ADGRV1: variants seen among roughly 807,000 people sequenced by gnomAD.
ADGRV1 encodes the protein G-protein coupled receptor 98.
A neutral mutation model predicts 596.2 loss-of-function variants in ADGRV1; 359 were observed. The observed-to-expected ratio is 0.60, with a 90% CI of 0.55 to 0.66. The LOEUF is 0.66. Ranked by LOEUF, ADGRV1 falls within the 30% of genes least tolerant of loss-of-function variation. The pLI is 0.00. For missense variants in ADGRV1, 7,274 were observed against 7,575.6 expected (o/e 0.96, Z 1.48); for synonymous variants, 2,681 against 2,679.2 (o/e 1.00, Z -0.02).
At chr5:90,744,379 CTAAT>C (rs1318060462) in intron 50 of ADGRV1, among the ~76,000 whole-genome samples, 2 of 151,962 alleles carry the variant, frequency 1.3e-5, no homozygotes, top group African/African-American at 2.4e-5. Context: ...ATCCTTTGGC[CTAAT>C]TAATTAACTT....
chr5:91,154,196 A>T (rs987015879), intron 89 of ADGRV1, among the ~76,000 whole-genome samples: 1 of 152,204 alleles, frequency 6.6e-6, no homozygotes, highest in Admixed American at 6.5e-5. Context: ...CCTCAGAAAA[A>T]TGTTGAACTG....
At chr5:90,765,140 C>T (rs890994121) in intron 59 of ADGRV1, among the ~76,000 whole-genome samples, 3 of 152,122 alleles carry the variant, frequency 2.0e-5, no homozygotes, top group Non-Finnish European at 4.4e-5. Context: ...TCTCTTCCCC[C>T]AGTTTTCTGT....
intron 77 of ADGRV1, among the ~76,000 whole-genome samples, chr5:90,838,664 C>T (rs1765173703): frequency 6.6e-6 from 1 of 152,120 alleles, no homozygotes; most frequent in African/African-American, 2.4e-5. Context: ...TATCCATTTA[C>T]CCATTCATCT....
intron 82 of ADGRV1, 103 bp from the exon 83 acceptor site, chr5:90,863,654 T>G (rs1581360847): frequency 5.8e-4 from 465 of 803,782 alleles, no homozygotes; most frequent in Middle Eastern, 2.4e-4. Flanking sequence ...CAGAGGCAGG[T>G]GGCAGACCTG....
intron 85 of ADGRV1, among the ~76,000 whole-genome samples, chr5:91,038,114 A>G (rs541580071): frequency 2.4e-4 from 36 of 152,342 alleles, no homozygotes; most frequent in African/African-American, 7.7e-4. Context: ...CAAGCATTTC[A>G]GATACTTCAC....
intron 32 of ADGRV1, among the ~76,000 whole-genome samples, chr5:90,693,372 A>C (rs1746738193): frequency 6.6e-6 from 1 of 152,182 alleles, no homozygotes; most frequent in African/African-American, 2.4e-5. Flanking sequence ...TCTCTAGATT[A>C]CTTATAATAC....
chr5:90,744,825 A>G (rs892465157), intron 50 of ADGRV1, among the ~76,000 whole-genome samples: 3 of 152,220 alleles, frequency 2.0e-5, no homozygotes, highest in Admixed American at 6.5e-5. Context: ...TTTTTATTAA[A>G]TGGGTATGGA....
chr5:90,853,999 A>G, intron 80 of ADGRV1, 63 bp from the exon 81 acceptor site: 2 of 1,220,738 alleles, frequency 1.6e-6, no homozygotes, highest in South Asian at 1.3e-5. Flanking sequence ...AGTTCAGGGT[A>G]AGAGACTCAG....
chr5:90,781,486 T>C lies in ADGRV1; in HGVS notation c.13139T>C (p.Ile4380Thr), dbSNP rs755332226. 5 of 1,610,290 alleles carry C rather than the reference T, an allele frequency of 3.1e-6. No homozygotes were observed. Among genetic ancestry groups the C allele is most frequent in the Non-Finnish European group, 2.5e-6 (3 of 1,177,992 alleles). The change falls in exon 65 of 90, where the codon ATA (isoleucine) becomes ACA (threonine). Residue 4380 changes from isoleucine (I) to threonine (T), a missense_variant. Physicochemically the swap from Ile to Thr is moderately conservative, Grantham distance 89. Coordinates refer to ENST00000405460, the MANE Select transcript of ADGRV1 (RefSeq NM_032119.4). ...CTTCAGATAGATCAACCTCCTGAAATAGGAAACATCTCCATTGTTCGCATC... is the reference window on the plus strand; with the variant it reads ...CTTCAGATAGATCAACCTCCTGAAACAGGAAACATCTCCATTGTTCGCATC... Reference protein sequence around the residue: ...NGLQIDQPPEIGNISIVRIII... With the variant: ...NGLQIDQPPETGNISIVRIII...
chr5:90,710,988 A>G lies in ADGRV1; in HGVS notation c.8832A>G (p.Glu2944=), dbSNP rs1214412701. The change falls in exon 40 of 90, where the codon GAA becomes GAG. Residue 2944 remains glutamate (E), a synonymous_variant. Transcript: ENST00000405460. ...GCTTCTATGTTTTTTAAGATTCAGA[A>G]GGTTTGACTGCACAAGTTATTATTG... ...STSFPPRLDS[E]GLTAQVIIDA... The G allele has an allele frequency of 1.3e-6, 2 of 1,599,282 alleles. No homozygotes were observed. Among genetic ancestry groups the G allele is most frequent in the Non-Finnish European group, 1.7e-6 (2 of 1,168,542 alleles).
intron 1 of ADGRV1, among the ~76,000 whole-genome samples, chr5:90,571,376 GTT>G (rs145899356): frequency 0.018 from 2,800 of 152,060 alleles, 81 homozygotes; most frequent in African/African-American, 0.064. Context: ...GCTTTTACAG[GTT>G]TTTCATGAAC....
At chr5:90,745,326 A>G (rs1253234229) in intron 51 of ADGRV1, 61 bp downstream of exon 51, 2 of 1,069,434 alleles carry the variant, frequency 1.9e-6, no homozygotes, top group Non-Finnish European at 2.7e-6. Flanking sequence ...ATGACAGCTC[A>G]TTTCCAAGTC....
At chr5:90,725,370 C>A in intron 47 of ADGRV1, 138 bp downstream of exon 47, 1 of 696,208 alleles carries the variant, frequency 1.4e-6, no homozygotes, top group Non-Finnish European at 2.3e-6. Flanking sequence ...TACATTTTAG[C>A]AAAGTATCTT....
intron 87 of ADGRV1, among the ~76,000 whole-genome samples, chr5:91,146,254 A>G (rs982735478): frequency 2.7e-4 from 41 of 152,208 alleles, no homozygotes; most frequent in African/African-American, 9.6e-4. Context: ...AACATATTTT[A>G]TTGGCTGAAC....
rs1254787237 is a variant in ADGRV1 at position 90,620,171 on chromosome 5, G to A, written c.453+990G>A. Among the ~76,000 whole-genome samples, 6 of 152,168 alleles carry A rather than the reference G, an allele frequency of 3.9e-5. No homozygotes were observed. In the South Asian group the frequency reaches 8.3e-4, roughly 21 times the overall value. The stretch of plus-strand genomic sequence containing the variant: ...TCTAGTTCTAGATCTCTGAGGAATC[G>A]CCACACTGACTTCCACAATGGTTGA... On this transcript the variant is annotated intron_variant, in intron 4 of 89. Transcript: ENST00000405460.
intron 11 of ADGRV1, among the ~76,000 whole-genome samples, chr5:90,639,103 C>A (rs1052433966): frequency 1.3e-5 from 2 of 151,098 alleles, no homozygotes; most frequent in African/African-American, 4.9e-5. Context: ...CACACGCTCG[C>A]GCACACACAC....
intron 87 of ADGRV1, among the ~76,000 whole-genome samples, chr5:91,111,294 C>T (rs1393835506): frequency 6.6e-6 from 1 of 152,084 alleles, no homozygotes; most frequent in Non-Finnish European, 1.5e-5. Flanking sequence ...ATGTGTCTCT[C>T]GTTGCTATAT....
chr5:91,080,116 A>G (rs901148250), intron 86 of ADGRV1, among the ~76,000 whole-genome samples: 1 of 152,184 alleles, frequency 6.6e-6, no homozygotes, highest in Non-Finnish European at 1.5e-5. Flanking sequence ...TAACATACAT[A>G]GAATGTGTAA....
At chr5:90,738,027 T>G (rs1001763822) in intron 50 of ADGRV1, among the ~76,000 whole-genome samples, 1 of 152,008 alleles carries the variant, frequency 6.6e-6, no homozygotes, top group Non-Finnish European at 1.5e-5. Context: ...CTGTTTTCCT[T>G]TGTGGCTTGA....
Sources: allele counts gnomAD v4.1 joint callset (sites outside exome capture counted in the v4.1 genomes callset), GRCh38; gene constraint gnomAD v4.1.1; transcripts MANE v1.5; gene names NCBI Gene and HGNC (gene_info 2026-07-23, HGNC 2026-07-21).